PRKN: variants seen among roughly 807,000 people sequenced by gnomAD.
PRKN encodes the protein E3 ubiquitin-protein ligase parkin.
In PRKN, 56 loss-of-function variants were observed where a neutral mutation model predicts 59.5. That is an observed-to-expected ratio of 0.94 (90% CI 0.76 to 1.18). The LOEUF (loss-of-function observed/expected upper bound fraction) is 1.18, where lower values mean the gene tolerates loss of function less well. Ranked by LOEUF, PRKN falls within the 50% of genes most tolerant of loss-of-function variation. The pLI is 0.00. For missense variants in PRKN, 657 were observed against 596.4 expected, an observed-to-expected ratio of 1.10 and a Z score of -1.06; for synonymous variants, 250 against 222.1, an observed-to-expected ratio of 1.13 and a Z score of -1.12.
chr6:161,996,629 ACTCT>A (rs1257315985), intron 5 of PRKN, among the ~76,000 whole-genome samples: 1 of 151,970 alleles, frequency 6.6e-6, no homozygotes, highest in Non-Finnish European at 1.5e-5. Flanking sequence ...AGAATAGCAG[ACTCT>A]CTATTTGTTA....
At position 161,973,447 on chromosome 6, in the gene PRKN, A is replaced by G. The variant is rs776313115; in HGVS notation, c.619-30T>C. 1.8e-5 allele frequency: 22 copies of G among 1,233,478 alleles called. No homozygotes were observed. The Admixed American group carries it at 2.5e-4, about 14-fold the overall frequency. The allele number at this position is 1,233,478 out of a possible 1,614,324, so 76.4% of individuals were successfully genotyped here. On this transcript the variant is annotated intron_variant, in intron 5 of 11. Coordinates refer to ENST00000366898, the MANE Select transcript of PRKN (RefSeq NM_004562.3). ...AAGAAAGATAAATATGATCACACAC[A>G]TGGATCCCGGCTGCTCATTTTTCCT...
At chr6:161,622,527 C>T (rs910228518) in intron 7 of PRKN, among the ~76,000 whole-genome samples, 7 of 152,174 alleles carry the variant, frequency 4.6e-5, no homozygotes, top group African/African-American at 1.7e-4. Flanking sequence ...AAGCCCTCAC[C>T]TCTCATCCTC....
intron 1 of PRKN, among the ~76,000 whole-genome samples, chr6:162,542,070 C>T (rs556992461): frequency 7.9e-5 from 12 of 152,154 alleles, no homozygotes; most frequent in Admixed American, 2.6e-4. Context: ...ATTACAGATA[C>T]CCAAGTTCCC....
intron 6 of PRKN, among the ~76,000 whole-genome samples, chr6:161,868,291 A>C (rs929520764): frequency 2.0e-5 from 3 of 151,508 alleles, no homozygotes. Context: ...GAAAATGAAT[A>C]CTTTGGGCCC....
At chr6:161,577,935 C>T (rs916771188) in intron 7 of PRKN, among the ~76,000 whole-genome samples, 5 of 152,022 alleles carry the variant, frequency 3.3e-5, no homozygotes, top group Non-Finnish European at 5.9e-5. Context: ...AGGTGAATTC[C>T]AAGTAAATAT....
intron 4 of PRKN, among the ~76,000 whole-genome samples, chr6:162,138,567 TAAA>T (rs1193843022): frequency 6.6e-6 from 1 of 151,746 alleles, no homozygotes; most frequent in African/African-American, 2.4e-5. Context: ...ATCAATCAAT[TAAA>T]AAAGATCCAG....
At chr6:162,231,059 G>A (rs1778401788) in intron 3 of PRKN, among the ~76,000 whole-genome samples, 1 of 152,176 alleles carries the variant, frequency 6.6e-6, no homozygotes, top group African/African-American at 2.4e-5. Context: ...AGCTTTCTCA[G>A]AAATTAAGAG....
chr6:162,269,485 C>G (rs943873389), intron 2 of PRKN: 2 of 152,192 alleles, frequency 1.3e-5, no homozygotes, highest in Non-Finnish European at 2.9e-5. Flanking sequence ...TGCTCTATTT[C>G]AAACATCCCA....
chr6:161,931,885 G>A (rs926957398), intron 6 of PRKN, among the ~76,000 whole-genome samples: 1 of 152,086 alleles, frequency 6.6e-6, no homozygotes, highest in Non-Finnish European at 1.5e-5. Context: ...GATTTCAAGA[G>A]AATAAAATGA....
At chr6:162,372,732 T>C (rs7752516) in intron 2 of PRKN, among the ~76,000 whole-genome samples, 39,094 of 152,074 alleles carry the variant, frequency 0.26, 5,204 homozygotes, top group African/African-American at 0.27. Context: ...TTATAAAAAA[T>C]TGTAAATTAC....
chr6:162,695,663 C>T (rs910385980), intron 1 of PRKN, among the ~76,000 whole-genome samples: 3 of 152,096 alleles, frequency 2.0e-5, no homozygotes, highest in Non-Finnish European at 1.5e-5. Context: ...ACTGTATGTA[C>T]ACTTAAGTAG....
chr6:162,481,534 A>G (rs1461892351), intron 1 of PRKN, among the ~76,000 whole-genome samples: 1 of 152,156 alleles, frequency 6.6e-6, no homozygotes, highest in Admixed American at 6.5e-5. Flanking sequence ...TTAAGAGTTG[A>G]GCATTTTGTA....
In PRKN at chr6:161,533,547, A is replaced by T. The variant is rs911141869; in HGVS notation, c.1083+15307T>A. Among the ~76,000 whole-genome samples, 2 of 152,144 alleles carry T rather than the reference A, an allele frequency of 1.3e-5. No homozygotes were observed. The highest frequency in any genetic ancestry group is 6.6e-5 in the Admixed American group (1 of 15,266). On this transcript the variant is annotated intron_variant, in intron 9 of 11. Transcript: ENST00000366898. This position sits in a 1 kb window ranked among gnomAD's most constrained non-coding sequence, Gnocchi z 4.1. The stretch of plus-strand genomic sequence containing the variant: ...CAGACAAGATAGCCCCACCAAGTGG[A>T]AAGCCCATTTGCATAATAAGATTAG...
intron 7 of PRKN, among the ~76,000 whole-genome samples, chr6:161,602,257 CT>C (rs1782135475): frequency 6.6e-6 from 1 of 152,168 alleles, no homozygotes; most frequent in Non-Finnish European, 1.5e-5. Context: ...TCCAAAGTAA[CT>C]TTCCAAACAC....
chr6:161,656,242 C>T (rs1311502854), intron 7 of PRKN, among the ~76,000 whole-genome samples: 1 of 152,232 alleles, frequency 6.6e-6, no homozygotes, highest in Non-Finnish European at 1.5e-5. Flanking sequence ...CGCTCGGGCC[C>T]CTGCTGCATC....
intron 1 of PRKN, among the ~76,000 whole-genome samples, chr6:162,616,349 T>G (rs1782415700): frequency 6.6e-6 from 1 of 152,226 alleles, no homozygotes; most frequent in Middle Eastern, 3.4e-3. Context: ...GCACACAATA[T>G]TAAGTCAATC....
chr6:162,355,788 C>G (rs1231023322), intron 2 of PRKN, among the ~76,000 whole-genome samples: 4 of 151,636 alleles, frequency 2.6e-5, no homozygotes, highest in African/African-American at 9.7e-5. Flanking sequence ...TAAAGGAAAC[C>G]AAGTCAGGAA....
rs997348077 is a variant in PRKN, at chr6:161,385,050, C to T, written c.1167+1744G>A. 2.6e-5 allele frequency among the ~76,000 whole-genome samples: 4 copies of T among 152,152 alleles called. No individual in the cohort carries two copies. Among genetic ancestry groups the T allele is most frequent in the Non-Finnish European group, 5.9e-5 (4 of 68,036 alleles). ...GTTCAAGCGATTCTCCTGCCTCAGC[C>T]TCCTGAATAGCTGGGATTACAGGTG... On this transcript the variant is annotated intron_variant, in intron 10 of 11. Coordinates refer to ENST00000366898, the MANE Select transcript of PRKN (RefSeq NM_004562.3). The surrounding 1 kb of genome is among the most constrained non-coding windows in gnomAD (Gnocchi z 4.9).
At chr6:162,474,746 G>A (rs2128179691) in intron 1 of PRKN, among the ~76,000 whole-genome samples, 1 of 152,226 alleles carries the variant, frequency 6.6e-6, no homozygotes, top group Admixed American at 6.5e-5. Context: ...GTGATCTGTA[G>A]ATAAGAGACT....
Sources: gnomAD v4.1 joint callset for allele counts (sites outside exome capture counted in the v4.1 genomes callset) on GRCh38, gnomAD v4.1.1 for gene constraint, Gnocchi (gnomAD v3.1) non-coding constraint, MANE v1.5 for transcripts, NCBI Gene and HGNC (gene_info 2026-07-23, HGNC 2026-07-21) for gene names.